PNPT1: variants seen among roughly 807,000 people sequenced by gnomAD.
The protein encoded by PNPT1 is polyribonucleotide nucleotidyltransferase 1, also known as polyribonucleotide nucleotidyltransferase 1, mitochondrial.
Under a neutral mutation model 119.5 loss-of-function variants are expected in PNPT1, and 53 were observed. The ratio of observed to expected loss-of-function variants is 0.44; its 90% confidence interval spans 0.36 to 0.56. The LOEUF (loss-of-function observed/expected upper bound fraction) is 0.56. Among genes scored for constraint, PNPT1 ranks in the 20% least tolerant of loss-of-function variants. PNPT1 has a pLI of 0.00. For synonymous variants in PNPT1, 357 were observed against 322.1 expected (o/e 1.11, Z -1.16); for missense variants, 948 against 938.5 (o/e 1.01, Z -0.13).
chr2:55,672,737 AG>A (rs1696952816), intron 9 of PNPT1, among the ~76,000 whole-genome samples, 155 bp downstream of exon 9: 3 of 152,248 alleles, frequency 2.0e-5, no homozygotes. Flanking sequence ...ATCCTTTTTA[AG>A]GGAGTAAGCA....
intron 18 of PNPT1, among the ~76,000 whole-genome samples, chr2:55,652,627 T>C (rs1384295382): frequency 3.3e-5 from 5 of 152,184 alleles, no homozygotes; most frequent in Non-Finnish European, 7.3e-5. Context: ...GCTCATCCCT[T>C]AACCAGTATG....
At chr2:55,638,044 G>A (rs1301469472) in intron 26 of PNPT1, among the ~76,000 whole-genome samples, 3 of 151,446 alleles carry the variant, frequency 2.0e-5, no homozygotes, top group Non-Finnish European at 4.4e-5. Context: ...GCTCACGGCT[G>A]TAATCCCAGA....
chr2:55,656,146 C>G lies in PNPT1; in HGVS notation c.1426G>C (p.Val476Leu). 1 of 1,613,086 alleles carries G rather than the reference C, an allele frequency of 6.2e-7. No individual in the cohort carries two copies. Among genetic ancestry groups the G allele is most frequent in the Non-Finnish European group, 8.5e-7 (1 of 1,179,534 alleles). The change falls in exon 17 of 28, where the codon GTC becomes CTC. Residue 476 changes from valine to leucine, a missense_variant. Val to Leu is a conservative substitution (Grantham distance 32). Coordinates refer to ENST00000447944, the MANE Select transcript of PNPT1 (RefSeq NM_033109.5). ...AATACCATACCATTTGACTCTAGGA[C>G]TTCAGATGTAACTCTTATGGTGAAA... ...FPFTIRVTSE[V>L]LESNGSSSMA...
chr2:55,640,200 C>A (rs1695793621), intron 26 of PNPT1, among the ~76,000 whole-genome samples: 1 of 152,140 alleles, frequency 6.6e-6, no homozygotes, highest in East Asian at 1.9e-4. Context: ...TGTCGCCAGA[C>A]TGGAGTGCAG....
intron 18 of PNPT1, among the ~76,000 whole-genome samples, chr2:55,651,791 TA>T (rs1024830306): frequency 0.011 from 1,202 of 112,720 alleles, 25 homozygotes; most frequent in African/African-American, 0.036. Flanking sequence ...AAAAAAAAAT[TA>T]AAAAAAAAAA....
At position 55,672,879 on chromosome 2, in the gene PNPT1, A is replaced by G; in HGVS notation, c.866+14T>C. 6.4e-7 allele frequency: 1 copy of G among 1,572,638 alleles called. No individual in the cohort carries two copies. The highest frequency in any genetic ancestry group is 8.6e-7 in the Non-Finnish European group (1 of 1,164,242). On this transcript the variant is annotated intron_variant, in intron 9 of 27. Transcript: ENST00000447944. Reference sequence around the variant, plus strand: ...ATGACAATTTCATATTTTCATTTGCACAGATGTTCTTACTTATGAGTATAT... The same window carrying G: ...ATGACAATTTCATATTTTCATTTGCGCAGATGTTCTTACTTATGAGTATAT...
At chr2:55,663,968 G>C (rs1340867721) in intron 13 of PNPT1, among the ~76,000 whole-genome samples, 1 of 152,008 alleles carries the variant, frequency 6.6e-6, no homozygotes, top group East Asian at 1.9e-4. Flanking sequence ...CAGCCTGGGC[G>C]ACAGAAGGAG....
chr2:55,651,503 G>T (rs1696200429), intron 18 of PNPT1, among the ~76,000 whole-genome samples: 1 of 152,092 alleles, frequency 6.6e-6, no homozygotes, highest in Admixed American at 6.5e-5. Context: ...TGAAACATGT[G>T]CTGTGTCCAC....
At chr2:55,654,367 A>G (rs565387116) in intron 18 of PNPT1, among the ~76,000 whole-genome samples, 2 of 152,232 alleles carry the variant, frequency 1.3e-5, no homozygotes, top group South Asian at 4.1e-4. Flanking sequence ...TTGTGTGTAC[A>G]CGCCTGAGTG....
At chr2:55,647,247 G>A in intron 19 of PNPT1, 100 bp downstream of exon 19, 1 of 963,732 alleles carries the variant, frequency 1.0e-6, no homozygotes. Flanking sequence ...TAGGTGCAAA[G>A]TACATATAGT....
At chr2:55,665,052 G>A (rs1696691555) in intron 13 of PNPT1, among the ~76,000 whole-genome samples, 1 of 152,128 alleles carries the variant, frequency 6.6e-6, no homozygotes, top group Non-Finnish European at 1.5e-5. Flanking sequence ...TTGCTTCTCA[G>A]ATATTAAAAT....
At chr2:55,678,049 G>C (rs1414063571) in intron 8 of PNPT1, among the ~76,000 whole-genome samples, 1 of 152,120 alleles carries the variant, frequency 6.6e-6, no homozygotes, top group Admixed American at 6.5e-5. Flanking sequence ...CCATTTCTGT[G>C]TCTTAATGAT....
intron 25 of PNPT1, among the ~76,000 whole-genome samples, 181 bp downstream of exon 25, chr2:55,642,977 G>A (rs774277757): frequency 1.4e-4 from 22 of 152,226 alleles, no homozygotes; most frequent in African/African-American, 3.1e-4. Flanking sequence ...AATCAGCCAC[G>A]TGTGGTGGTG....
At chr2:55,641,004 T>G (rs1439018419) in intron 25 of PNPT1, among the ~76,000 whole-genome samples, 2 of 152,076 alleles carry the variant, frequency 1.3e-5, no homozygotes, top group East Asian at 3.9e-4. Flanking sequence ...GGTGAGCAGA[T>G]CACGAGGTCA....
intron 1 of PNPT1, among the ~76,000 whole-genome samples, chr2:55,691,876 A>ATTTTTT (rs1475795171): frequency 5.8e-3 from 107 of 18,520 alleles, no homozygotes; most frequent in Non-Finnish European, 9.3e-3. Context: ...ATATATATAT[A>ATTTTTT]TATTTTTTTT....
intron 1 of PNPT1, among the ~76,000 whole-genome samples, chr2:55,690,600 T>A (rs1458583516): frequency 1.3e-5 from 2 of 152,248 alleles, no homozygotes; most frequent in Non-Finnish European, 1.5e-5. Context: ...AGACTCATTT[T>A]GTTAAGTTTG....
intron 12 of PNPT1, 57 bp from the exon 13 acceptor site, chr2:55,667,150 T>C (rs1696760492): frequency 4.6e-6 from 6 of 1,316,508 alleles, no homozygotes; most frequent in East Asian, 2.3e-5. Context: ...AAAAATCACA[T>C]GTCTTTATCT....
chr2:55,667,128 C>G (rs766709880), intron 12 of PNPT1, 35 bp from the exon 13 acceptor site: 1 of 1,505,194 alleles, frequency 6.6e-7, no homozygotes, highest in South Asian at 1.1e-5. Flanking sequence ...CATTAAGTAA[C>G]GCTGGAAACA....
intron 5 of PNPT1, among the ~76,000 whole-genome samples, chr2:55,681,957 C>T (rs1249186891): frequency 2.0e-5 from 3 of 151,692 alleles, no homozygotes; most frequent in Non-Finnish European, 2.9e-5. Context: ...CTGCCTAACA[C>T]GGTGAAACCC....
Sources: gnomAD v4.1 joint callset for allele counts (sites outside exome capture counted in the v4.1 genomes callset) on GRCh38, gnomAD v4.1.1 for gene constraint, MANE v1.5 for transcripts, NCBI Gene and HGNC (gene_info 2026-07-23, HGNC 2026-07-21) for gene names.